The following CEP97 variants were observed in gnomAD, a reference collection of about 807,000 sequenced individuals.
CEP97 encodes the protein centrosomal protein 97.
CEP97 carries 43 observed loss-of-function variants against 73.1 expected under a neutral mutation model. The observed-to-expected ratio is 0.59, with a 90% CI of 0.46 to 0.76. The LOEUF (loss-of-function observed/expected upper bound fraction) is 0.76, where lower values mean the gene tolerates loss of function less well. CEP97 is among the 30% of genes least tolerant of loss of function. The probability of loss-of-function intolerance (pLI) is 0.00; values close to 1 mark genes in which losing one functional copy is unlikely to be tolerated. For synonymous variants in CEP97, 337 were observed against 370.0 expected, an observed-to-expected ratio of 0.91 and a Z score of 1.02; for missense variants, 939 against 1,014.0, an observed-to-expected ratio of 0.93 and a Z score of 1.00.
intron 1 of CEP97, 64 bp from the exon 2 acceptor site, chr3:101,726,530 A>G (rs183819413): frequency 6.4e-6 from 8 of 1,256,732 alleles, no homozygotes; most frequent in South Asian, 6.2e-5. Flanking sequence ...TTCCAGCCCT[A>G]TGCTTAGCTG....
Position 101,765,672 on chromosome 3 carries a change from T to C in CEP97, c.*121T>C. 1 of 709,974 alleles carries C rather than the reference T, an allele frequency of 1.4e-6. No individual in the cohort carries two copies. The highest frequency in any genetic ancestry group is 2.0e-5 in the South Asian group (1 of 50,434). The allele number at this position is 709,974 out of a possible 1,614,324, so 44.0% of individuals were successfully genotyped here. A position where few individuals can be genotyped will look rare whatever the true frequency, so the allele number is the denominator to read the frequency against. ...ATTTTGTTACTACTTATATAGAATT[T>C]GTATTCATGTCTTATATTTTTCAGA... On this transcript the variant is annotated 3_prime_UTR_variant, in exon 11 of 11. Coordinates refer to ENST00000341893, the MANE Select transcript of CEP97 (RefSeq NM_024548.4).
intron 6 of CEP97, among the ~76,000 whole-genome samples, chr3:101,749,247 T>C (rs1938725755): frequency 6.6e-6 from 1 of 151,354 alleles, no homozygotes; most frequent in Non-Finnish European, 1.5e-5. Context: ...ATGCGGTGTT[T>C]GGATTTTTGT....
At chr3:101,751,040 G>T (rs552314590) in intron 6 of CEP97, among the ~76,000 whole-genome samples, 1 of 152,196 alleles carries the variant, frequency 6.6e-6, no homozygotes, top group Non-Finnish European at 1.5e-5. Flanking sequence ...GCTTTCTCTT[G>T]TGGGCATTTA....
chr3:101,758,440 T>A lies in CEP97; in HGVS notation c.1817+17T>A. The A allele has an allele frequency of 6.2e-7, 1 of 1,612,818 alleles. No individual in the cohort carries two copies. Among genetic ancestry groups the A allele is most frequent in the South Asian group, 1.1e-5 (1 of 91,032 alleles). On this transcript the variant is annotated intron_variant, in intron 9 of 10. Transcript: ENST00000341893. ...AATAAGGAGGTGGGTCAGAAGTCCTTTTGATGCACTGTTTTGTTGGTTTGA... is the reference window on the plus strand; with the variant it reads ...AATAAGGAGGTGGGTCAGAAGTCCTATTGATGCACTGTTTTGTTGGTTTGA...
Position 101,763,914 on chromosome 3 carries a change from C to T in CEP97, c.1894-933C>T, listed in dbSNP as rs373327018. On this transcript the variant is annotated intron_variant, in intron 10 of 10. Transcript: ENST00000341893. ...TTATTCAGCTAGGCATGTGCTGTTG[C>T]GCATTATTGACCCCTTAGTCAGCTA... Among the ~76,000 whole-genome samples the T allele has an allele frequency of 1.7e-4, 12 of 72,552 alleles. No homozygotes were observed. In the East Asian group the frequency reaches 3.5e-3, roughly 21 times the overall value. 47.6% of individuals were successfully genotyped at this position (72,552 alleles called of 152,430 possible).
rs1939385307 is a variant in CEP97 at position 101,768,880 on chromosome 3, G to A, written c.*3329G>A. ...CTGTAATCATGACAGTTGATAATAT[G>A]CAATTTAGTTTGATTTTATAGGTTT... On this transcript the variant is annotated 3_prime_UTR_variant, in exon 11 of 11. Transcript: ENST00000341893. 6.6e-6 allele frequency: 1 copy of A among 152,128 alleles called. No individual in the cohort carries two copies. The highest frequency in any genetic ancestry group is 1.5e-5 in the Non-Finnish European group (1 of 68,030). The allele number at this position is 152,128 out of a possible 1,614,324, so 9.4% of individuals were successfully genotyped here.
intron 6 of CEP97, among the ~76,000 whole-genome samples, chr3:101,737,425 G>A (rs886412148): frequency 2.0e-5 from 3 of 152,278 alleles, no homozygotes; most frequent in East Asian, 3.9e-4. Context: ...AGGAAAAAAT[G>A]TTAAGGGCAA....
At chr3:101,748,409 T>C (rs955897964) in intron 6 of CEP97, among the ~76,000 whole-genome samples, 8 of 152,146 alleles carry the variant, frequency 5.3e-5, no homozygotes, top group Non-Finnish European at 8.8e-5. Flanking sequence ...CCCTTTCTTC[T>C]AGCCTCTTAG....
chr3:101,729,443 T>A (rs959202875), intron 4 of CEP97, among the ~76,000 whole-genome samples: 1 of 152,218 alleles, frequency 6.6e-6, no homozygotes, highest in East Asian at 1.9e-4. Context: ...TCATTGTAGT[T>A]AAGGTTAATT....
intron 6 of CEP97, among the ~76,000 whole-genome samples, chr3:101,735,217 C>G (rs186138887): frequency 1.3e-5 from 2 of 152,206 alleles, no homozygotes; most frequent in African/African-American, 4.8e-5. Flanking sequence ...TGTTTCTATA[C>G]TGTGGAAATG....
rs760291269 is a variant in CEP97 at position 101,762,573 on chromosome 3, C to A, written c.1893+13C>A. The A allele has an allele frequency of 1.6e-5, 25 of 1,588,420 alleles. No homozygotes were observed. ...CCTTTGGAACCAGGTAAACTCCCTC[C>A]TGCTGATTTACCTCATATATGATCA... On this transcript the variant is annotated intron_variant, in intron 10 of 10. Coordinates refer to ENST00000341893, the MANE Select transcript of CEP97 (RefSeq NM_024548.4).
At position 101,760,022 on chromosome 3, in the gene CEP97, CAAAAAAAAAA is replaced by C. The variant is rs78933956; in HGVS notation, c.1817+1614_1817+1623del. Among the ~76,000 whole-genome samples the C allele has an allele frequency of 1.7e-4, 15 of 88,626 alleles. 1 individual carries two copies. Among genetic ancestry groups the C allele is most frequent in the African/African-American group, 5.6e-4 (13 of 23,056 alleles). 58.1% of individuals were successfully genotyped at this position (88,626 alleles called of 152,430 possible). The stretch of plus-strand genomic sequence containing the variant: ...AAGGAGGGAAAAACTGATGGTGCAG[CAAAAAAAAAA>C]AAAAAAAAAAAAAAGAGGAAGAGCA... On this transcript the variant is annotated intron_variant, in intron 9 of 10. Coordinates refer to ENST00000341893, the MANE Select transcript of CEP97 (RefSeq NM_024548.4).
intron 5 of CEP97, among the ~76,000 whole-genome samples, chr3:101,732,280 CAG>C (rs1938137544): frequency 6.6e-6 from 1 of 152,182 alleles, no homozygotes; most frequent in Admixed American, 6.5e-5. Flanking sequence ...TGCTAGGAAA[CAG>C]TGCTGATATT....
Position 101,764,926 on chromosome 3 carries a change from G to C in CEP97, c.1973G>C (p.Ser658Thr), listed in dbSNP as rs186791868. The stretch of plus-strand genomic sequence containing the variant: ...CATACTGATGTTCCTCCTATATCAA[G>C]TACTCTTGTGCCATCGAAACATCCA... ...SWHTDVPPIS[S>T]TLVPSKHPLF... is the part of the protein sequence containing the mutation. The change falls in exon 11 of 11, where the codon AGT becomes ACT. Residue 658 changes from serine to threonine, a missense_variant. Physicochemically the swap from Ser to Thr is moderately conservative, Grantham distance 58. Coordinates refer to ENST00000341893, the MANE Select transcript of CEP97 (RefSeq NM_024548.4). 5.7e-5 allele frequency: 92 copies of C among 1,614,182 alleles called. No individual in the cohort carries two copies. In the Admixed American group the frequency reaches 1.1e-3, roughly 19 times the overall value.
intron 4 of CEP97, among the ~76,000 whole-genome samples, chr3:101,730,158 A>G (rs1324862222): frequency 6.6e-6 from 1 of 152,140 alleles, no homozygotes; most frequent in Non-Finnish European, 1.5e-5. Flanking sequence ...CCTGGACTCT[A>G]GCAGTCCTCC....
At chr3:101,746,847 C>T (rs1361954308) in intron 6 of CEP97, among the ~76,000 whole-genome samples, 1 of 149,118 alleles carries the variant, frequency 6.7e-6, no homozygotes, top group Non-Finnish European at 1.5e-5. Context: ...AAACAAACAA[C>T]CCCATCAAAA....
In CEP97 at chr3:101,765,487, T is replaced by C; in HGVS notation, c.2534T>C (p.Val845Ala). 6 of 1,614,122 alleles carry C rather than the reference T, an allele frequency of 3.7e-6. No individual in the cohort carries two copies. Among genetic ancestry groups the C allele is most frequent in the Non-Finnish European group, 5.1e-6 (6 of 1,179,998 alleles). ...TQENSKLNAE[V>A]QGQQPECDST... ...GAGAATTCTAAATTAAATGCAGAAG[T>C]TCAGGGGCAGCAGCCAGAATGTGAT... Residue 845 changes from valine (V) to alanine (A), a missense_variant, in exon 11 of 11, where the codon GTT (valine) becomes GCT (alanine). Transcript: ENST00000341893.
intron 6 of CEP97, among the ~76,000 whole-genome samples, chr3:101,732,929 A>G (rs1938158933): frequency 6.6e-6 from 1 of 151,390 alleles, no homozygotes; most frequent in Admixed American, 6.6e-5. Flanking sequence ...GTTTGAGACC[A>G]GCCTGGGCAA....
At chr3:101,756,575 A>G (rs1366043491) in intron 7 of CEP97, among the ~76,000 whole-genome samples, 3 of 150,236 alleles carry the variant, frequency 2.0e-5, no homozygotes, top group African/African-American at 7.4e-5. Flanking sequence ...ATGGGGTTTC[A>G]TCATGTTGCT....
Sources: gnomAD v4.1 joint callset for allele counts (sites outside exome capture counted in the v4.1 genomes callset) on GRCh38, gnomAD v4.1.1 for gene constraint, MANE v1.5 for transcripts, NCBI Gene and HGNC (gene_info 2026-07-23, HGNC 2026-07-21) for gene names.